Variants in LRP5 observed in about 807,000 individuals in gnomAD.
LRP5 encodes low-density lipoprotein receptor-related protein 5.
LRP5 carries 62 observed loss-of-function variants against 154.1 expected under a neutral mutation model. The ratio of observed to expected loss-of-function variants is 0.40; its 90% CI spans 0.33 to 0.50. LRP5 has a LOEUF of 0.50. Ranked by LOEUF, LRP5 falls within the 20% of genes least tolerant of loss-of-function variation. LRP5 has a pLI of 0.55. For missense variants in LRP5, 1,915 were observed against 2,336.7 expected (o/e 0.82, Z 3.72); for synonymous variants, 966 against 1,011.5 (o/e 0.96, Z 0.85).
intron 7 of LRP5, among the ~76,000 whole-genome samples, chr11:68,394,442 C>T (rs915858476): frequency 6.7e-6 from 1 of 148,580 alleles, no homozygotes; most frequent in Admixed American, 6.7e-5. Context: ...GTCACAATGA[C>T]GTGAGCACTG....
chr11:68,340,024 T>TA (rs2098608006), intron 1 of LRP5, among the ~76,000 whole-genome samples: 8 of 152,242 alleles, frequency 5.3e-5, no homozygotes, highest in Admixed American at 5.2e-4. Flanking sequence ...GCGGATCACC[T>TA]GAGGTCAGGA....
At chr11:68,401,606 C>T (rs1475989221) in intron 7 of LRP5, among the ~76,000 whole-genome samples, 6 of 152,098 alleles carry the variant, frequency 3.9e-5, no homozygotes, top group African/African-American at 1.2e-4. Context: ...AAGGACTTGC[C>T]GAGGACCCAG....
intron 17 of LRP5, among the ~76,000 whole-genome samples, chr11:68,432,537 G>T (rs2098672522): frequency 6.6e-6 from 1 of 152,220 alleles, no homozygotes; most frequent in South Asian, 2.1e-4. Flanking sequence ...CATGGGGAAG[G>T]CCTGCGGGTT....
At chr11:68,319,213 A>C (rs1164337913) in intron 1 of LRP5, among the ~76,000 whole-genome samples, 3 of 151,822 alleles carry the variant, frequency 2.0e-5, no homozygotes, top group Non-Finnish European at 4.4e-5. Context: ...GACTACAGGC[A>C]TCTGCCACCA....
At chr11:68,379,058 AAAAAT>A (rs927122111) in intron 5 of LRP5, among the ~76,000 whole-genome samples, 2 of 152,086 alleles carry the variant, frequency 1.3e-5, no homozygotes, top group African/African-American at 4.8e-5. Context: ...AAAAAAAAAT[AAAAAT>A]AAAATAAATA....
At chr11:68,340,070 G>A (rs781459420) in intron 1 of LRP5, among the ~76,000 whole-genome samples, 19 of 151,980 alleles carry the variant, frequency 1.3e-4, no homozygotes, top group Non-Finnish European at 2.2e-4. Context: ...GCAAAACCCC[G>A]TCTCTACTAA....
chr11:68,392,475 A>C (rs935733375), intron 7 of LRP5, among the ~76,000 whole-genome samples: 1 of 152,018 alleles, frequency 6.6e-6, no homozygotes, highest in African/African-American at 2.4e-5. Context: ...CTGCACTCCA[A>C]TCTGTGTGAC....
At chr11:68,421,262 A>G (rs1050787912) in intron 13 of LRP5, among the ~76,000 whole-genome samples, 3 of 150,198 alleles carry the variant, frequency 2.0e-5, no homozygotes, top group Non-Finnish European at 3.0e-5. Flanking sequence ...CTCCGTCTCA[A>G]AAAAAAAAAG....
At chr11:68,366,311 C>T (rs898710226) in intron 5 of LRP5, among the ~76,000 whole-genome samples, 2 of 151,890 alleles carry the variant, frequency 1.3e-5, no homozygotes, top group Admixed American at 1.3e-4. Flanking sequence ...GTGTCCCACT[C>T]GGGAGGGCAG....
At position 68,413,587 on chromosome 11, in the gene LRP5, G is replaced by A. The variant is rs182553220; in HGVS notation, c.2504-102G>A. ...AACACTTTAAGGCATTCATGTGGTC[G>A]CTAGGCTGCAGGGTTGAACCCTGGC... On this transcript the variant is annotated intron_variant, in intron 11 of 22. Coordinates refer to ENST00000294304, the MANE Select transcript of LRP5 (RefSeq NM_002335.4). This position sits in a 1 kb window ranked among gnomAD's most constrained non-coding sequence, Gnocchi z 5.1. The A allele has an allele frequency of 1.7e-4, 174 of 1,020,774 alleles. No individual in the cohort carries two copies. The African/African-American group carries it at 2.2e-3, about 13-fold the overall frequency. 63.2% of individuals were successfully genotyped at this position (1,020,774 alleles called of 1,614,324 possible).
chr11:68,383,103 C>G (rs1296346579), intron 5 of LRP5, among the ~76,000 whole-genome samples: 1 of 152,088 alleles, frequency 6.6e-6, no homozygotes, highest in Non-Finnish European at 1.5e-5. Flanking sequence ...GTCTTGAACT[C>G]CTGACCTCAG....
At chr11:68,407,653 C>T (rs546406490) in intron 9 of LRP5, among the ~76,000 whole-genome samples, 12 of 145,996 alleles carry the variant, frequency 8.2e-5, no homozygotes, top group African/African-American at 3.0e-4. Context: ...CCAGCCTCAC[C>T]CACGTGGAGA....
intron 1 of LRP5, among the ~76,000 whole-genome samples, chr11:68,331,517 T>C (rs2098602722): frequency 6.6e-6 from 1 of 152,234 alleles, no homozygotes; most frequent in African/African-American, 2.4e-5. Context: ...CATCTCCCTG[T>C]TGAGGGAAGA....
chr11:68,379,346 G>C (rs1346807135), intron 5 of LRP5, among the ~76,000 whole-genome samples: 2 of 152,212 alleles, frequency 1.3e-5, no homozygotes, highest in Non-Finnish European at 2.9e-5. Context: ...GTGGTGTCTG[G>C]TTGCAGGAAC....
chr11:68,425,921 T>G (rs2098668490), intron 15 of LRP5, 57 bp from the exon 16 acceptor site: 6 of 1,478,636 alleles, frequency 4.1e-6, no homozygotes, highest in Middle Eastern at 1.8e-4. Context: ...CCAAGCTGAG[T>G]GTGGGGCAAG....
chr11:68,320,042 T>C lies in LRP5; in HGVS notation c.91+7237T>C, dbSNP rs2091798721. Among the ~76,000 whole-genome samples, 3 of 152,248 alleles carry C rather than the reference T, an allele frequency of 2.0e-5. No individual in the cohort carries two copies. The South Asian group carries it at 6.2e-4, about 32-fold the overall frequency. ...TGAGTATGATTGCACACTCCTGTAG[T>C]CTCAGCTACTTGAAAGGCTGAGGTG... is the stretch of plus-strand genomic sequence containing the variant. On this transcript the variant is annotated intron_variant, in intron 1 of 22. Transcript: ENST00000294304.
At chr11:68,325,454 C>T (rs956650848) in intron 1 of LRP5, among the ~76,000 whole-genome samples, 3 of 152,226 alleles carry the variant, frequency 2.0e-5, no homozygotes, top group African/African-American at 7.2e-5. Context: ...CACCTAAGGC[C>T]AGCTTGGTCA....
At chr11:68,357,590 C>A in intron 2 of LRP5, 60 bp from the exon 3 acceptor site, 1 of 1,487,352 alleles carries the variant, frequency 6.7e-7, no homozygotes, top group Non-Finnish European at 9.3e-7. Context: ...TGCATCTATG[C>A]AGACAAAAAC....
chr11:68,346,437 C>T (rs1413894084), intron 1 of LRP5, among the ~76,000 whole-genome samples: 1 of 152,256 alleles, frequency 6.6e-6, no homozygotes. Context: ...CCATCTACCC[C>T]ACTGCGCTGG....
Sources: allele counts gnomAD v4.1 joint callset (sites outside exome capture counted in the v4.1 genomes callset), GRCh38; gene constraint gnomAD v4.1.1; non-coding constraint Gnocchi (gnomAD v3.1); transcripts MANE v1.5; gene names NCBI Gene and HGNC (gene_info 2026-07-23, HGNC 2026-07-21).